The following UTP23 variants were observed in gnomAD, a reference collection of about 807,000 sequenced individuals.
The protein encoded by UTP23 is UTP23 small subunit processome component.
A neutral mutation model predicts 19.8 loss-of-function variants in UTP23; 10 were observed. The ratio of observed to expected loss-of-function variants is 0.50; its 90% CI spans 0.31 to 0.86. The LOEUF is 0.86. Among genes scored for constraint, UTP23 ranks in the 40% least tolerant of loss-of-function variants. The pLI is 0.05. For synonymous variants in UTP23, 108 were observed against 105.4 expected, an observed-to-expected ratio of 1.02 and a Z score of -0.15; for missense variants, 282 against 293.1, an observed-to-expected ratio of 0.96 and a Z score of 0.28.
Position 116,772,278 on chromosome 8 carries a change from C to T in UTP23, c.*436C>T, listed in dbSNP as rs1418132466. 9 of 985,676 alleles carry T rather than the reference C, an allele frequency of 9.1e-6. No homozygotes were observed. Among genetic ancestry groups the T allele is most frequent in the African/African-American group, 5.2e-5 (3 of 57,240 alleles). The allele number at this position is 985,676 out of a possible 1,614,324, so 61.1% of individuals were successfully genotyped here. On this transcript the variant is annotated 3_prime_UTR_variant, in exon 3 of 3. Transcript: ENST00000309822. The stretch of plus-strand genomic sequence containing the variant: ...AGGTTGTTTCTCCAGGTAAAATTGT[C>T]GCCTCTCTGGTCCCATTCCCACCTT...
At position 116,772,684 on chromosome 8, in the gene UTP23, A is replaced by G. The variant is rs1815674769; in HGVS notation, c.*842A>G. The G allele has an allele frequency of 1.0e-6, 1 of 985,140 alleles. No individual in the cohort carries two copies. Among genetic ancestry groups the G allele is most frequent in the Non-Finnish European group, 1.2e-6 (1 of 829,652 alleles). 61.0% of individuals were successfully genotyped at this position (985,140 alleles called of 1,614,324 possible). On this transcript the variant is annotated 3_prime_UTR_variant, in exon 3 of 3. Coordinates refer to ENST00000309822, the MANE Select transcript of UTP23 (RefSeq NM_032334.3). ...TTTAGATGTAAATGTTAACTTCAAT[A>G]GCAAGAATTCAAAAATAATATTCTC...
In UTP23 at chr8:116,771,535, A is replaced by T. The variant is rs538562841; in HGVS notation, c.443A>T (p.Asp148Val). 5 of 1,609,756 alleles carry T rather than the reference A, an allele frequency of 3.1e-6. No individual in the cohort carries two copies. The East Asian group carries it at 8.9e-5, about 29-fold the overall frequency. Residue 148 changes from aspartate (D) to valine (V), a missense_variant, in exon 3 of 3, where the codon GAC (aspartate) becomes GTC (valine). Transcript: ENST00000309822. ...MFIIQNTMVLDKPSPKTIAFV... is the reference protein window; with the variant it reads ...MFIIQNTMVLVKPSPKTIAFV... ...ATTATTCAGAACACTATGGTTTTGG[A>T]CAAACCTTCTCCCAAAACAATTGCC...
Position 116,771,556 on chromosome 8 carries a change from T to C in UTP23, c.464T>C (p.Ile155Thr). 1 of 1,612,478 alleles carries C rather than the reference T, an allele frequency of 6.2e-7. No individual in the cohort carries two copies. The highest frequency in any genetic ancestry group is 8.5e-7 in the Non-Finnish European group (1 of 1,179,626). Reference sequence around the variant, plus strand: ...TTGGACAAACCTTCTCCCAAAACAATTGCCTTTGTAAAAGCAGTGGAGTCA... The same window carrying C: ...TTGGACAAACCTTCTCCCAAAACAACTGCCTTTGTAAAAGCAGTGGAGTCA... ...MVLDKPSPKT[I>T]AFVKAVESGQ... Residue 155 changes from isoleucine (I) to threonine (T), a missense_variant, in exon 3 of 3, where the codon ATT (isoleucine) becomes ACT (threonine). Coordinates refer to ENST00000309822, the MANE Select transcript of UTP23 (RefSeq NM_032334.3).
chr8:116,766,841 T>C (rs1351982683), intron 1 of UTP23, 50 bp downstream of exon 1: 3 of 1,449,716 alleles, frequency 2.1e-6, no homozygotes, highest in East Asian at 2.5e-5. Flanking sequence ...TCGGGTGTTG[T>C]AGAGGCGAGG....
chr8:116,772,604 G>GT lies in UTP23; in HGVS notation c.*769dup. 1.0e-6 allele frequency: 1 copy of GT among 984,342 alleles called. No homozygotes were observed. Among genetic ancestry groups the GT allele is most frequent in the African/African-American group, 1.7e-5 (1 of 57,278 alleles). The allele number at this position is 984,342 out of a possible 1,614,324, so 61.0% of individuals were successfully genotyped here. On this transcript the variant is annotated 3_prime_UTR_variant, in exon 3 of 3. Transcript: ENST00000309822. ...CAGTATTTTCATTATTATGACTAGA[G>GT]TTTTTTTGTTTGTTTGTTTGAGTTC...
intron 1 of UTP23, among the ~76,000 whole-genome samples, chr8:116,767,979 C>G (rs1272070062): frequency 1.3e-5 from 2 of 152,120 alleles, no homozygotes; most frequent in African/African-American, 4.8e-5. Flanking sequence ...AGTAGCTACA[C>G]AGGAGGCTGA....
Position 116,771,522 on chromosome 8 carries a change from A to T in UTP23, c.430A>T (p.Thr144Ser), listed in dbSNP as rs764684258. Residue 144 changes from threonine (T) to serine (S), a missense_variant, in exon 3 of 3, where the codon ACT (threonine) becomes TCT (serine). By Grantham distance (58) the Thr-to-Ser change is moderately conservative. Transcript: ENST00000309822. ...GVPLMFIIQN[T>S]MVLDKPSPKT... ...TCCTCTCATGTTTATTATTCAGAAC[A>T]CTATGGTTTTGGACAAACCTTCTCC... 6.2e-7 allele frequency: 1 copy of T among 1,601,696 alleles called. No individual in the cohort carries two copies. The highest frequency in any genetic ancestry group is 8.5e-7 in the Non-Finnish European group (1 of 1,176,864).
Position 116,773,929 on chromosome 8 carries a change from T to C in UTP23, c.*2087T>C, listed in dbSNP as rs190917697. ...GTCTCATATCCTTGTACTTCAGTTT[T>C]TTTGTGTGTGAATACTATCCCTATA... On this transcript the variant is annotated 3_prime_UTR_variant, in exon 3 of 3. Coordinates refer to ENST00000309822, the MANE Select transcript of UTP23 (RefSeq NM_032334.3). 2 of 984,948 alleles carry C rather than the reference T, an allele frequency of 2.0e-6. No individual in the cohort carries two copies. Among genetic ancestry groups the C allele is most frequent in the Non-Finnish European group, 1.2e-6 (1 of 829,476 alleles). The allele number at this position is 984,948 out of a possible 1,614,324, so 61.0% of individuals were successfully genotyped here.
intron 1 of UTP23, among the ~76,000 whole-genome samples, chr8:116,769,454 G>A (rs1815624106): frequency 6.6e-6 from 1 of 152,174 alleles, no homozygotes; most frequent in African/African-American, 2.4e-5. Flanking sequence ...CAAAGAGATA[G>A]CAAGTCTTGG....
At position 116,773,933 on chromosome 8, in the gene UTP23, G is replaced by T. The variant is rs1017940396; in HGVS notation, c.*2091G>T. On this transcript the variant is annotated 3_prime_UTR_variant, in exon 3 of 3. Transcript: ENST00000309822. Reference sequence around the variant, plus strand: ...CATATCCTTGTACTTCAGTTTTTTTGTGTGTGAATACTATCCCTATACCAC... The same window carrying T: ...CATATCCTTGTACTTCAGTTTTTTTTTGTGTGAATACTATCCCTATACCAC... 2.3e-5 allele frequency: 23 copies of T among 984,682 alleles called. No homozygotes were observed. The highest frequency in any genetic ancestry group is 2.3e-4 in the East Asian group (2 of 8,816). 61.0% of individuals were successfully genotyped at this position (984,682 alleles called of 1,614,324 possible).
In UTP23 at chr8:116,771,575, G is replaced by A. The variant is rs768696484; in HGVS notation, c.483G>A (p.Val161=). The change falls in exon 3 of 3, where the codon GTG becomes GTA. Residue 161 remains valine (V), a synonymous_variant. Transcript: ENST00000309822. The part of the protein sequence containing the change: ...SPKTIAFVKA[V]ESGQLVSVHE... The stretch of plus-strand genomic sequence containing the variant: ...AAACAATTGCCTTTGTAAAAGCAGT[G>A]GAGTCAGGTCAGCTTGTCTCAGTGC... 1 of 1,613,222 alleles carries A rather than the reference G, an allele frequency of 6.2e-7. No individual in the cohort carries two copies. Among genetic ancestry groups the A allele is most frequent in the Admixed American group, 1.7e-5 (1 of 59,840 alleles).
rs560073668 is a variant in UTP23, at chr8:116,773,509, T to G, written c.*1667T>G. On this transcript the variant is annotated 3_prime_UTR_variant, in exon 3 of 3. Coordinates refer to ENST00000309822, the MANE Select transcript of UTP23 (RefSeq NM_032334.3). ...TATAGAAGTACTAAAAATTACAATG[T>G]ATTAGTAAGTTTAATATTTTGACAG... The G allele has an allele frequency of 1.0e-6, 1 of 984,058 alleles. No individual in the cohort carries two copies. The highest frequency in any genetic ancestry group is 1.2e-6 in the Non-Finnish European group (1 of 828,664). 61.0% of individuals were successfully genotyped at this position (984,058 alleles called of 1,614,324 possible).
chr8:116,766,723 G>A lies in UTP23; in HGVS notation c.120G>A (p.Arg40=). ...LDGTFCQAAL[R]GRIQLREQLP... ...GCACCTTCTGTCAGGCGGCGCTGCGGGGCCGCATCCAGCTGCGGGAGCAGC... is the reference window on the plus strand; with the variant it reads ...GCACCTTCTGTCAGGCGGCGCTGCGAGGCCGCATCCAGCTGCGGGAGCAGC... The change falls in exon 1 of 3, where the codon CGG becomes CGA. Residue 40 remains arginine (R), a synonymous_variant. Coordinates refer to ENST00000309822, the MANE Select transcript of UTP23 (RefSeq NM_032334.3). The A allele has an allele frequency of 6.2e-7, 1 of 1,610,022 alleles. No homozygotes were observed. Among genetic ancestry groups the A allele is most frequent in the Non-Finnish European group, 8.5e-7 (1 of 1,178,238 alleles).
Position 116,767,160 on chromosome 8 carries a change from G to C in UTP23, c.188+369G>C, listed in dbSNP as rs1172654178. 2.0e-5 allele frequency among the ~76,000 whole-genome samples: 3 copies of C among 152,314 alleles called. 1 individual carries two copies. The highest frequency in any genetic ancestry group is 6.8e-3 in the Middle Eastern group (2 of 294). On this transcript the variant is annotated intron_variant, in intron 1 of 2. Transcript: ENST00000309822. ...GATGATAACTGCTTAGAAGATTGCTGTAAGCTCAAACGAGTATAGTGTACT... is the reference window on the plus strand; with the variant it reads ...GATGATAACTGCTTAGAAGATTGCTCTAAGCTCAAACGAGTATAGTGTACT...
rs912995721 is a variant in UTP23 at position 116,773,044 on chromosome 8, A to G, written c.*1202A>G. ...TGAGACAGTTCACATTTATTCCCAT[A>G]GAAATGTCATTCTCATTTGAATTCA... is the stretch of plus-strand genomic sequence containing the variant. On this transcript the variant is annotated 3_prime_UTR_variant, in exon 3 of 3. Transcript: ENST00000309822. The G allele has an allele frequency of 1.0e-6, 1 of 973,422 alleles. No individual in the cohort carries two copies. Among genetic ancestry groups the G allele is most frequent in the African/African-American group, 1.8e-5 (1 of 55,404 alleles). 60.3% of individuals were successfully genotyped at this position (973,422 alleles called of 1,614,324 possible).
At position 116,772,437 on chromosome 8, in the gene UTP23, T is replaced by G. The variant is rs1815670533; in HGVS notation, c.*595T>G. ...ATTCTAGTAGTTGAAGAATTTATATTTCCAAATTGTATGATTATACCGCTA... is the reference window on the plus strand; with the variant it reads ...ATTCTAGTAGTTGAAGAATTTATATGTCCAAATTGTATGATTATACCGCTA... On this transcript the variant is annotated 3_prime_UTR_variant, in exon 3 of 3. Coordinates refer to ENST00000309822, the MANE Select transcript of UTP23 (RefSeq NM_032334.3). 1 of 951,052 alleles carries G rather than the reference T, an allele frequency of 1.1e-6. No homozygotes were observed. Among genetic ancestry groups the G allele is most frequent in the Non-Finnish European group, 1.3e-6 (1 of 798,774 alleles). 58.9% of individuals were successfully genotyped at this position (951,052 alleles called of 1,614,324 possible).
rs777214525 is a variant in UTP23, at chr8:116,772,774, A to G, written c.*932A>G. 92 of 985,342 alleles carry G rather than the reference A, an allele frequency of 9.3e-5. No homozygotes were observed. Among genetic ancestry groups the G allele is most frequent in the Non-Finnish European group, 1.1e-4 (91 of 829,938 alleles). 61.0% of individuals were successfully genotyped at this position (985,342 alleles called of 1,614,324 possible). On this transcript the variant is annotated 3_prime_UTR_variant, in exon 3 of 3. Coordinates refer to ENST00000309822, the MANE Select transcript of UTP23 (RefSeq NM_032334.3). ...TTAGTCTGAGGATCAATGAGGGTCA[A>G]TTCAGTTAGGAATTGAATAATGAAA... is the stretch of plus-strand genomic sequence containing the variant.
intron 1 of UTP23, among the ~76,000 whole-genome samples, chr8:116,768,526 C>A (rs944345475): frequency 1.3e-5 from 2 of 152,144 alleles, no homozygotes; most frequent in African/African-American, 4.8e-5. Context: ...CCTCACCTCT[C>A]CTTACTGATG....
At position 116,772,204 on chromosome 8, in the gene UTP23, A is replaced by C; in HGVS notation, c.*362A>C. The C allele has an allele frequency of 1.0e-6, 1 of 995,904 alleles. No individual in the cohort carries two copies. The highest frequency in any genetic ancestry group is 1.0e-4 in the East Asian group (1 of 9,802). The allele number at this position is 995,904 out of a possible 1,614,324, so 61.7% of individuals were successfully genotyped here. On this transcript the variant is annotated 3_prime_UTR_variant, in exon 3 of 3. Coordinates refer to ENST00000309822, the MANE Select transcript of UTP23 (RefSeq NM_032334.3). ...CTCAAAAAAAAAATAAAAACAGTGA[A>C]TGGGTGTAGGTGTGATGGAATTCAC...
Sources: gnomAD v4.1 joint callset for allele counts (sites outside exome capture counted in the v4.1 genomes callset) on GRCh38, gnomAD v4.1.1 for gene constraint, MANE v1.5 for transcripts, NCBI Gene and HGNC (gene_info 2026-07-23, HGNC 2026-07-21) for gene names.